Variants in PRKCB observed in about 807,000 individuals in gnomAD.
The protein encoded by PRKCB is protein kinase C beta type.
In PRKCB, 13 loss-of-function variants were observed where a neutral mutation model predicts 81.5. The ratio of observed to expected loss-of-function variants is 0.16; its 90% confidence interval spans 0.10 to 0.25. PRKCB has a LOEUF of 0.25. Among genes scored for constraint, PRKCB ranks in the 10% least tolerant of loss-of-function variants. The probability of loss-of-function intolerance (pLI) is 1.00; values close to 1 mark genes in which losing one functional copy is unlikely to be tolerated. For missense variants in PRKCB, 509 were observed against 875.7 expected, an observed-to-expected ratio of 0.58 and a Z score of 5.29; for synonymous variants, 335 against 321.4, an observed-to-expected ratio of 1.04 and a Z score of -0.45.
chr16:23,892,982 A>C (rs933686282), intron 2 of PRKCB: 1 of 150,078 alleles, frequency 6.7e-6, no homozygotes, highest in South Asian at 2.1e-4. Context: ...GGAAATCTGC[A>C]TTCCTTGATC....
At chr16:23,991,300 A>G (rs985802490) in intron 3 of PRKCB, among the ~76,000 whole-genome samples, 2 of 152,204 alleles carry the variant, frequency 1.3e-5, no homozygotes, top group Admixed American at 1.3e-4. Context: ...AACATGGAAC[A>G]ACCAAAGTCC....
At chr16:24,169,369 AT>A in intron 10 of PRKCB, among the ~76,000 whole-genome samples, 1 of 152,248 alleles carries the variant, frequency 6.6e-6, no homozygotes, top group Non-Finnish European at 1.5e-5. Flanking sequence ...GTTCAGTCAC[AT>A]TTCGCATTAG....
chr16:23,842,512 C>T (rs149064969), intron 2 of PRKCB, among the ~76,000 whole-genome samples: 2 of 152,248 alleles, frequency 1.3e-5, no homozygotes, highest in East Asian at 3.9e-4. Context: ...TATTGGGTAA[C>T]ACCAGTGAGT....
chr16:23,924,405 C>G (rs1963869089), intron 2 of PRKCB, among the ~76,000 whole-genome samples: 2 of 151,966 alleles, frequency 1.3e-5, no homozygotes, highest in African/African-American at 4.8e-5. Context: ...ATGGCCATGC[C>G]TAACTTCAAA....
intron 2 of PRKCB, among the ~76,000 whole-genome samples, chr16:23,958,413 T>TTCTGCCTCA (rs1964378851): frequency 6.6e-6 from 1 of 152,272 alleles, no homozygotes; most frequent in East Asian, 1.9e-4. Context: ...CAAGCGATTC[T>TTCTGCCTCA]TCTGCCTCAG....
intron 10 of PRKCB, among the ~76,000 whole-genome samples, chr16:24,162,442 C>CTTTTT (rs564543744): frequency 1.2e-4 from 8 of 68,606 alleles, no homozygotes; most frequent in Admixed American, 1.6e-4. Flanking sequence ...ACAGAGAAGA[C>CTTTTT]TTTTTTTTTT....
At chr16:24,114,069 A>G (rs1170792987) in intron 8 of PRKCB, among the ~76,000 whole-genome samples, 4 of 151,312 alleles carry the variant, frequency 2.6e-5, no homozygotes, top group Non-Finnish European at 4.4e-5. Context: ...ATACAAAAAA[A>G]TTAGCTAGGC....
intron 2 of PRKCB, among the ~76,000 whole-genome samples, chr16:23,904,631 C>G (rs189606355): frequency 1.3e-5 from 2 of 152,264 alleles, no homozygotes; most frequent in South Asian, 2.1e-4. Flanking sequence ...CTACTGCACT[C>G]CAGCCTGGGT....
chr16:24,171,202 T>G (rs1967435294), intron 10 of PRKCB, among the ~76,000 whole-genome samples: 1 of 152,212 alleles, frequency 6.6e-6, no homozygotes, highest in Admixed American at 6.5e-5. Flanking sequence ...GATTGCCAGC[T>G]GGAATTTTAG....
intron 2 of PRKCB, among the ~76,000 whole-genome samples, chr16:23,858,815 G>A (rs1028618225): frequency 2.0e-5 from 3 of 152,128 alleles, no homozygotes; most frequent in African/African-American, 7.2e-5. Flanking sequence ...ATTTATTGAG[G>A]CACTGAGCTG....
At chr16:24,195,329 A>T (rs942259983) in intron 16 of PRKCB, among the ~76,000 whole-genome samples, 1 of 151,810 alleles carries the variant, frequency 6.6e-6, no homozygotes, top group African/African-American at 2.4e-5. Context: ...CTCCTTCCTC[A>T]CCCCTTCTTA....
chr16:23,857,208 G>A (rs1962582529), intron 2 of PRKCB, among the ~76,000 whole-genome samples: 1 of 152,210 alleles, frequency 6.6e-6, no homozygotes, highest in Non-Finnish European at 1.5e-5. Flanking sequence ...TGGCGGAACT[G>A]CCTGGCCTGA....
chr16:23,952,411 T>TA (rs1376087629), intron 2 of PRKCB, among the ~76,000 whole-genome samples: 3 of 152,294 alleles, frequency 2.0e-5, no homozygotes, highest in Middle Eastern at 3.4e-3. Context: ...AACAAGGCTT[T>TA]AAAAAATCTC....
intron 7 of PRKCB, among the ~76,000 whole-genome samples, chr16:24,102,358 G>A (rs561462559): frequency 4.6e-5 from 7 of 152,314 alleles, no homozygotes; most frequent in Non-Finnish European, 7.3e-5. Context: ...AGACATTTGC[G>A]ATGCTGTCTT....
At chr16:24,119,136 T>C (rs1399841034) in intron 8 of PRKCB, among the ~76,000 whole-genome samples, 1 of 152,080 alleles carries the variant, frequency 6.6e-6, no homozygotes, top group East Asian at 1.9e-4. Flanking sequence ...TTCTTTTTTT[T>C]TTTTTCCAGG....
At chr16:23,877,179 GT>G (rs2141104844) in intron 2 of PRKCB, among the ~76,000 whole-genome samples, 1 of 151,960 alleles carries the variant, frequency 6.6e-6, no homozygotes, top group African/African-American at 2.4e-5. Flanking sequence ...GTGAGACCCT[GT>G]CCTTAAAAAA....
Position 23,979,655 on chromosome 16 carries a change from C to T in PRKCB, c.206-8853C>T, listed in dbSNP as rs192002810. 4.1e-4 allele frequency among the ~76,000 whole-genome samples: 62 copies of T among 151,838 alleles called. No homozygotes were observed. In the East Asian group the frequency reaches 8.7e-3, roughly 21 times the overall value. ...GACTGAATGGCGGGGGTGAGGAAAGCGGGGGAGGCTTTCTCCTGGAACAGT... is the reference window on the plus strand; with the variant it reads ...GACTGAATGGCGGGGGTGAGGAAAGTGGGGGAGGCTTTCTCCTGGAACAGT... On this transcript the variant is annotated intron_variant, in intron 2 of 16. Transcript: ENST00000643927.
chr16:23,889,095 C>T (rs1033775828), intron 2 of PRKCB, among the ~76,000 whole-genome samples: 1 of 151,770 alleles, frequency 6.6e-6, no homozygotes, highest in South Asian at 2.1e-4. Context: ...CCCACTCAGT[C>T]ATCTACACAG....
intron 12 of PRKCB, among the ~76,000 whole-genome samples, chr16:24,176,115 T>C (rs1032294010): frequency 6.6e-6 from 1 of 152,066 alleles, no homozygotes; most frequent in African/African-American, 2.4e-5. Context: ...GTCCTGGGGC[T>C]TTTAGTCACA....
Sources: allele counts gnomAD v4.1 joint callset (sites outside exome capture counted in the v4.1 genomes callset), GRCh38; gene constraint gnomAD v4.1.1; transcripts MANE v1.5; gene names NCBI Gene and HGNC (gene_info 2026-07-23, HGNC 2026-07-21).